B3GALT1: variants seen among roughly 807,000 people sequenced by gnomAD.
B3GALT1 encodes the protein beta-1,3-galactosyltransferase 1, also known as UDP-Gal:betaGlcNAc beta 1,3-galactosyltransferase, polypeptide 1.
Under a neutral mutation model 23.2 loss-of-function variants are expected in B3GALT1, and 10 were observed. The ratio of observed to expected loss-of-function variants is 0.43; its 90% CI spans 0.27 to 0.73. The LOEUF is 0.73. B3GALT1 is among the 30% of genes least tolerant of loss of function. B3GALT1 has a pLI of 0.21. For synonymous variants in B3GALT1, 156 were observed against 141.5 expected, an observed-to-expected ratio of 1.10 and a Z score of -0.73; for missense variants, 299 against 405.4, an observed-to-expected ratio of 0.74 and a Z score of 2.25.
intron 1 of B3GALT1, among the ~76,000 whole-genome samples, chr2:167,395,473 G>A (rs1574062351): frequency 6.6e-6 from 1 of 152,116 alleles, no homozygotes; most frequent in East Asian, 1.9e-4. Flanking sequence ...ATGGCTCCTA[G>A]TAGCTGGAAA....
chr2:167,293,806 A>C (rs939958276), intron 1 of B3GALT1, among the ~76,000 whole-genome samples: 1 of 152,028 alleles, frequency 6.6e-6, no homozygotes, highest in Admixed American at 6.5e-5. Flanking sequence ...CTGGCGCGCC[A>C]GGGGAGAGGC....
At chr2:167,512,536 A>ATATATATATGTATATATATG (rs67927245) in intron 2 of B3GALT1, among the ~76,000 whole-genome samples, 1 of 98,594 alleles carries the variant, frequency 1.0e-5, no homozygotes, top group Admixed American at 1.1e-4. Flanking sequence ...GTGTGTGTGT[A>ATATATATATGTATATATATG]TATATATATG....
chr2:167,700,618 C>G (rs73019309), intron 3 of B3GALT1, among the ~76,000 whole-genome samples: 9,293 of 152,162 alleles, frequency 0.061, 407 homozygotes, highest in East Asian at 0.13. Flanking sequence ...ATGGAACACC[C>G]CTTTGCTGCT....
chr2:167,663,414 T>C (rs1433895490), intron 3 of B3GALT1, among the ~76,000 whole-genome samples: 6 of 152,016 alleles, frequency 3.9e-5, no homozygotes, highest in Non-Finnish European at 8.8e-5. Context: ...AATGCCGCAA[T>C]AAACATACGT....
intron 2 of B3GALT1, among the ~76,000 whole-genome samples, chr2:167,526,400 C>T (rs904892948): frequency 2.0e-5 from 3 of 152,138 alleles, no homozygotes; most frequent in Admixed American, 6.6e-5. Flanking sequence ...ATTCATTCAA[C>T]CCCACAACAA....
chr2:167,537,863 G>A (rs976028423), intron 2 of B3GALT1, among the ~76,000 whole-genome samples: 5 of 138,306 alleles, frequency 3.6e-5, no homozygotes, highest in South Asian at 4.5e-4. Context: ...TCATTCTGTC[G>A]CCCAGGCTTG....
intron 1 of B3GALT1, among the ~76,000 whole-genome samples, chr2:167,434,621 C>G (rs181746819): frequency 6.6e-6 from 1 of 151,454 alleles, no homozygotes; most frequent in Admixed American, 6.6e-5. Context: ...TTTATATGTT[C>G]ACTTCTGGCT....
At chr2:167,303,680 C>CAGAG (rs1491439926) in intron 1 of B3GALT1, among the ~76,000 whole-genome samples, 17 of 106,870 alleles carry the variant, frequency 1.6e-4, no homozygotes, top group South Asian at 8.9e-4. Context: ...CACACACACA[C>CAGAG]ACAGAGAGAG....
intron 2 of B3GALT1, among the ~76,000 whole-genome samples, chr2:167,512,416 A>G (rs1700019579): frequency 6.7e-6 from 1 of 150,140 alleles, no homozygotes; most frequent in South Asian, 2.1e-4. Flanking sequence ...TGTTAAACCA[A>G]CAATGCTTTC....
At chr2:167,296,881 C>T (rs887993585) in intron 1 of B3GALT1, among the ~76,000 whole-genome samples, 3 of 152,072 alleles carry the variant, frequency 2.0e-5, no homozygotes, top group Non-Finnish European at 4.4e-5. Context: ...TATTTATCTC[C>T]TACCAACCTG....
At chr2:167,494,679 A>C (rs1307971489) in intron 2 of B3GALT1, among the ~76,000 whole-genome samples, 1 of 152,188 alleles carries the variant, frequency 6.6e-6, no homozygotes, top group African/African-American at 2.4e-5. Flanking sequence ...GCAAATTAAT[A>C]ATCACAAGCT....
At chr2:167,368,535 T>C (rs1242452932) in intron 1 of B3GALT1, among the ~76,000 whole-genome samples, 1 of 152,196 alleles carries the variant, frequency 6.6e-6, no homozygotes, top group Non-Finnish European at 1.5e-5. Context: ...ACAGAGGTTA[T>C]GTAAGTAAAA....
At chr2:167,584,024 T>TTGGGGG (rs1218531284) in intron 2 of B3GALT1, among the ~76,000 whole-genome samples, 1 of 65,138 alleles carries the variant, frequency 1.5e-5, no homozygotes, top group African/African-American at 6.0e-5. Flanking sequence ...AGACTGGAGA[T>TTGGGGG]TGGGGGTGGG....
chr2:167,364,834 A>G (rs540426672), intron 1 of B3GALT1, among the ~76,000 whole-genome samples: 3 of 152,240 alleles, frequency 2.0e-5, no homozygotes, highest in African/African-American at 7.2e-5. Context: ...TTTGCATATC[A>G]TGTATATTGC....
intron 3 of B3GALT1, among the ~76,000 whole-genome samples, chr2:167,747,969 C>T (rs1459375111): frequency 2.0e-5 from 3 of 152,050 alleles, no homozygotes; most frequent in Admixed American, 1.3e-4. Flanking sequence ...GCATATGCTC[C>T]CTTTTCCTCT....
chr2:167,733,605 C>G (rs146135723), intron 3 of B3GALT1, among the ~76,000 whole-genome samples: 90 of 152,264 alleles, frequency 5.9e-4, no homozygotes, highest in African/African-American at 2.2e-3. Context: ...CTCAACAATC[C>G]TGTAAAACAC....
At chr2:167,353,729 A>G (rs1297455259) in intron 1 of B3GALT1, among the ~76,000 whole-genome samples, 1 of 151,820 alleles carries the variant, frequency 6.6e-6, no homozygotes, top group Non-Finnish European at 1.5e-5. Flanking sequence ...AGTTTAGGAG[A>G]CTCTTGAATG....
chr2:167,293,620 T>G (rs1023014950), intron 1 of B3GALT1, among the ~76,000 whole-genome samples: 2 of 152,010 alleles, frequency 1.3e-5, no homozygotes, highest in Non-Finnish European at 2.9e-5. Context: ...GCGAGAACAG[T>G]GGGTCCCCTC....
At chr2:167,451,820 G>A (rs1699096742) in intron 1 of B3GALT1, among the ~76,000 whole-genome samples, 2 of 152,294 alleles carry the variant, frequency 1.3e-5, no homozygotes, top group South Asian at 4.1e-4. Context: ...TCAGGGTGAT[G>A]TATGTCTGAG....
Sources: gnomAD v4.1 joint callset for allele counts (sites outside exome capture counted in the v4.1 genomes callset) on GRCh38, gnomAD v4.1.1 for gene constraint, MANE v1.5 for transcripts, NCBI Gene and HGNC (gene_info 2026-07-23, HGNC 2026-07-21) for gene names.